Variants in BNC2 observed in about 807,000 individuals in gnomAD.
BNC2 encodes the protein zinc finger protein basonuclin-2.
BNC2 carries 20 observed loss-of-function variants against 76.3 expected under a neutral mutation model. The observed-to-expected ratio is 0.26, with a 90% CI of 0.18 to 0.38. The LOEUF is 0.38. Among genes scored for constraint, BNC2 ranks in the 10% least tolerant of loss-of-function variants. The pLI is 1.00. For missense variants in BNC2, 1,382 were observed against 1,399.8 expected (o/e 0.99, Z 0.20); for synonymous variants, 582 against 514.8 (o/e 1.13, Z -1.77).
chr9:16,460,452 G>C (rs1358858647), intron 5 of BNC2, among the ~76,000 whole-genome samples: 1 of 151,986 alleles, frequency 6.6e-6, no homozygotes, highest in Non-Finnish European at 1.5e-5. Context: ...GTGAAACCCC[G>C]TCTCTACTAA....
intron 5 of BNC2, among the ~76,000 whole-genome samples, chr9:16,500,885 T>C (rs915151823): frequency 6.6e-6 from 1 of 152,204 alleles, no homozygotes; most frequent in Non-Finnish European, 1.5e-5. Flanking sequence ...GTCTCACAAC[T>C]AGTAACTAAC....
At chr9:16,711,335 A>G (rs1330373132) in intron 3 of BNC2, among the ~76,000 whole-genome samples, 1 of 152,188 alleles carries the variant, frequency 6.6e-6, no homozygotes, top group Admixed American at 6.5e-5. Flanking sequence ...TTTGGGTTGT[A>G]TTAACTTCCA....
intron 1 of BNC2, among the ~76,000 whole-genome samples, chr9:16,825,866 G>A (rs1012521604): frequency 6.6e-6 from 1 of 151,030 alleles, no homozygotes; most frequent in Non-Finnish European, 1.5e-5. Context: ...GAGCATAACT[G>A]TATTTTTTTT....
At chr9:16,785,122 G>T (rs1429471531) in intron 1 of BNC2, among the ~76,000 whole-genome samples, 1 of 152,278 alleles carries the variant, frequency 6.6e-6, no homozygotes, top group African/African-American at 2.4e-5. Flanking sequence ...GAAAAGAACG[G>T]GAACTTTAAA....
chr9:16,654,505 C>G (rs763380252), intron 3 of BNC2, among the ~76,000 whole-genome samples: 8 of 152,174 alleles, frequency 5.3e-5, no homozygotes, highest in Non-Finnish European at 8.8e-5. Context: ...AACATAACAA[C>G]AGTACCAAAA....
chr9:16,468,456 C>T (rs1474079995), intron 5 of BNC2, among the ~76,000 whole-genome samples: 1 of 151,946 alleles, frequency 6.6e-6, no homozygotes, highest in East Asian at 1.9e-4. Flanking sequence ...AGTACAGAGG[C>T]ATGATCTCGG....
intron 3 of BNC2, among the ~76,000 whole-genome samples, chr9:16,610,402 G>T (rs1037311486): frequency 6.6e-6 from 1 of 152,078 alleles, no homozygotes; most frequent in Non-Finnish European, 1.5e-5. Context: ...GGAATCCGAG[G>T]TTCCCAACAA....
chr9:16,869,479 A>AC (rs570235777), intron 1 of BNC2, among the ~76,000 whole-genome samples: 178 of 152,162 alleles, frequency 1.2e-3, no homozygotes, highest in African/African-American at 4.1e-3. Flanking sequence ...TCCAGTTGTG[A>AC]CTTTGATCAC....
At chr9:16,485,121 C>T (rs996092233) in intron 5 of BNC2, among the ~76,000 whole-genome samples, 3 of 146,136 alleles carry the variant, frequency 2.1e-5, no homozygotes, top group African/African-American at 7.4e-5. Flanking sequence ...GACACACACA[C>T]ACACACACAC....
intron 3 of BNC2, among the ~76,000 whole-genome samples, chr9:16,618,219 C>T (rs1383719298): frequency 6.6e-6 from 1 of 152,158 alleles, no homozygotes; most frequent in Non-Finnish European, 1.5e-5. Context: ...ATCATCTGGA[C>T]ACCTTATTCT....
intron 3 of BNC2, among the ~76,000 whole-genome samples, chr9:16,673,828 G>C (rs993169042): frequency 1.4e-4 from 22 of 152,062 alleles, no homozygotes; most frequent in Non-Finnish European, 2.8e-4. Flanking sequence ...TGAACTCTGA[G>C]ACGGGTTCAT....
chr9:16,778,085 T>C (rs764265072), intron 1 of BNC2, among the ~76,000 whole-genome samples: 3 of 152,140 alleles, frequency 2.0e-5, no homozygotes, highest in Non-Finnish European at 2.9e-5. Flanking sequence ...AAATGGCAAA[T>C]GAATTTTATT....
chr9:16,678,360 C>G (rs572268812), intron 3 of BNC2, among the ~76,000 whole-genome samples: 16 of 145,326 alleles, frequency 1.1e-4, no homozygotes, highest in African/African-American at 2.3e-4. Context: ...CTCACTGCAG[C>G]CTCTGCCTCC....
intron 5 of BNC2, among the ~76,000 whole-genome samples, chr9:16,444,932 G>T (rs1821200465): frequency 6.6e-6 from 1 of 152,080 alleles, no homozygotes; most frequent in African/African-American, 2.4e-5. Context: ...CTATTTCAGA[G>T]TCATTTTTTC....
chr9:16,496,769 C>A (rs75537357), intron 5 of BNC2, among the ~76,000 whole-genome samples: 5,655 of 152,188 alleles, frequency 0.037, 357 homozygotes, highest in African/African-American at 0.13. Flanking sequence ...AATATTCTAC[C>A]AAGCTCTTTA....
chr9:16,546,215 C>T (rs1279532153), intron 5 of BNC2, among the ~76,000 whole-genome samples: 1 of 152,148 alleles, frequency 6.6e-6, no homozygotes, highest in Non-Finnish European at 1.5e-5. Flanking sequence ...ATTATTTCAT[C>T]TTTTTAGACA....
At chr9:16,488,085 T>A (rs1174226955) in intron 5 of BNC2, among the ~76,000 whole-genome samples, 3 of 152,176 alleles carry the variant, frequency 2.0e-5, no homozygotes, top group Non-Finnish European at 4.4e-5. Context: ...ATATTCCCCA[T>A]AGCATGCAAA....
intron 1 of BNC2, among the ~76,000 whole-genome samples, chr9:16,852,261 C>A (rs1237953198): frequency 6.6e-6 from 1 of 152,074 alleles, no homozygotes; most frequent in African/African-American, 2.4e-5. Context: ...CAAGATAAAT[C>A]AAATTTCTAA....
intron 3 of BNC2, among the ~76,000 whole-genome samples, chr9:16,725,249 ACG>A (rs1491343423): frequency 6.7e-6 from 1 of 149,530 alleles, no homozygotes; most frequent in Admixed American, 6.7e-5. Flanking sequence ...ACACACACAC[ACG>A]TGCTGAATCA....
Sources: gnomAD v4.1 joint callset for allele counts (sites outside exome capture counted in the v4.1 genomes callset) on GRCh38, gnomAD v4.1.1 for gene constraint, MANE v1.5 for transcripts, NCBI Gene and HGNC (gene_info 2026-07-23, HGNC 2026-07-21) for gene names.